The following IL1R1 variants were observed in gnomAD, a reference collection of about 807,000 sequenced individuals.
The protein encoded by IL1R1 is interleukin-1 receptor type 1.
In IL1R1, 22 loss-of-function variants were observed where a neutral mutation model predicts 50.2. The observed-to-expected ratio is 0.44, with a 90% confidence interval of 0.31 to 0.63. The LOEUF (loss-of-function observed/expected upper bound fraction) is 0.63. Ranked by LOEUF, IL1R1 falls within the 20% of genes least tolerant of loss-of-function variation. The pLI is 0.07. For synonymous variants in IL1R1, 251 were observed against 236.7 expected, an observed-to-expected ratio of 1.06 and a Z score of -0.55; for missense variants, 509 against 676.2, an observed-to-expected ratio of 0.75 and a Z score of 2.74.
rs1577922184 is a variant in IL1R1 at position 102,133,621 on chromosome 2, A to G, written c.-83-20320A>G. ...GGCTTAGCATTGGAAAAATCCATAA[A>G]TGTAATTCACTATATTAGTGAAACT... On this transcript the variant is annotated intron_variant, in intron 1 of 10. Transcript: ENST00000409329. Among the ~76,000 whole-genome samples the G allele has an allele frequency of 2.0e-5, 3 of 152,242 alleles. No homozygotes were observed. In the South Asian group the frequency reaches 6.2e-4, roughly 32 times the overall value.
At chr2:102,133,474 C>A (rs1682159791) in intron 1 of IL1R1, among the ~76,000 whole-genome samples, 1 of 151,976 alleles carries the variant, frequency 6.6e-6, no homozygotes, top group Non-Finnish European at 1.5e-5. Flanking sequence ...AAGTACAGAC[C>A]AGTATTCCTC....
rs1429810682 is a variant in IL1R1, at chr2:102,172,797, C to T, written c.950C>T (p.Thr317Ile). ...KHPFTCFAKN[T>I]HGIDAAYIQL... Reference sequence around the variant, plus strand: ...CCATTTACCTGTTTTGCCAAGAATACACATGGTATAGATGCAGCATATATC... The same window carrying T: ...CCATTTACCTGTTTTGCCAAGAATATACATGGTATAGATGCAGCATATATC... Residue 317 changes from threonine (T) to isoleucine (I), a missense_variant, in exon 9 of 12, where the codon ACA becomes ATA. Coordinates refer to ENST00000410023, the MANE Select transcript of IL1R1 (RefSeq NM_000877.4). 1 of 1,611,050 alleles carries T rather than the reference C, an allele frequency of 6.2e-7. No individual in the cohort carries two copies. The highest frequency in any genetic ancestry group is 8.5e-7 in the Non-Finnish European group (1 of 1,177,556).
intron 1 of IL1R1, among the ~76,000 whole-genome samples, chr2:102,114,011 C>T (rs1227243580): frequency 6.6e-6 from 1 of 152,184 alleles, no homozygotes; most frequent in East Asian, 1.9e-4. Flanking sequence ...AAGGGAAACA[C>T]TAGTTTATGG....
chr2:102,146,459 A>T (rs1283210195), intron 1 of IL1R1, among the ~76,000 whole-genome samples: 1 of 152,216 alleles, frequency 6.6e-6, no homozygotes, highest in Admixed American at 6.5e-5. Context: ...TGCTTGAGCT[A>T]AGCTGAACTA....
chr2:102,172,711 A>G lies in IL1R1; in HGVS notation c.864A>G (p.Arg288=). 6.2e-7 allele frequency: 1 copy of G among 1,605,422 alleles called. No individual in the cohort carries two copies. The highest frequency in any genetic ancestry group is 8.5e-7 in the Non-Finnish European group (1 of 1,176,876). The change falls in exon 9 of 12, where the codon AGA becomes AGG. Residue 288 remains arginine (R), a synonymous_variant. Coordinates refer to ENST00000410023, the MANE Select transcript of IL1R1 (RefSeq NM_000877.4). ...GTGTGGAAAATCCTGCAAACAAAAG[A>G]AGGAGTACCCTCATCACAGTGCTTA... The part of the protein sequence containing the change: ...YYSVENPANK[R]RSTLITVLNI...
chr2:102,084,940 C>A (rs1049324544), intron 1 of IL1R1, among the ~76,000 whole-genome samples: 1 of 152,162 alleles, frequency 6.6e-6, no homozygotes, highest in Non-Finnish European at 1.5e-5. Flanking sequence ...AAGAGTGTCC[C>A]GCAATTTCAT....
upstream of IL1R1, chr2:102,142,173 T>C (rs1190858337): frequency 3.3e-5 from 5 of 152,246 alleles, no homozygotes; most frequent in African/African-American, 9.6e-5. Context: ...GCTCTGGGCC[T>C]GGCACTATTT....
At chr2:102,115,918 G>T (rs1007275501) in intron 1 of IL1R1, among the ~76,000 whole-genome samples, 5 of 152,228 alleles carry the variant, frequency 3.3e-5, no homozygotes, top group Non-Finnish European at 7.3e-5. Flanking sequence ...ATACTGAGTG[G>T]TCTGGGCTTT....
intron 1 of IL1R1, among the ~76,000 whole-genome samples, chr2:102,116,741 T>C (rs1038478874): frequency 3.9e-5 from 6 of 152,214 alleles, no homozygotes; most frequent in African/African-American, 1.4e-4. Flanking sequence ...CATCCACCCG[T>C]GCTGAAAACC....
At chr2:102,173,647 T>G (rs1399492909) in intron 9 of IL1R1, among the ~76,000 whole-genome samples, 1 of 152,188 alleles carries the variant, frequency 6.6e-6, no homozygotes, top group Non-Finnish European at 1.5e-5. Context: ...AGACTCGATA[T>G]TATGAAGATA....
chr2:102,171,505 T>A (rs1685671964), intron 7 of IL1R1, among the ~76,000 whole-genome samples: 1 of 152,206 alleles, frequency 6.6e-6, no homozygotes, highest in Non-Finnish European at 1.5e-5. Context: ...TAAGCAGCCA[T>A]GACAGAGTCT....
rs919806896 is a variant in IL1R1, at chr2:102,130,617, T to C, written c.-83-23324T>C. 2.0e-5 allele frequency among the ~76,000 whole-genome samples: 3 copies of C among 150,894 alleles called. No homozygotes were observed. In the East Asian group the frequency reaches 5.9e-4, roughly 30 times the overall value. On this transcript the variant is annotated intron_variant, in intron 1 of 10. Transcript: ENST00000409329. Reference sequence around the variant, plus strand: ...TGACATTGTTCACAGTTTACTTCCTTCCCCCAAAGTCTTGGTTTTGACTAA... The same window carrying C: ...TGACATTGTTCACAGTTTACTTCCTCCCCCCAAAGTCTTGGTTTTGACTAA...
At chr2:102,112,267 C>T (rs1233379744) in intron 1 of IL1R1, among the ~76,000 whole-genome samples, 1 of 151,702 alleles carries the variant, frequency 6.6e-6, no homozygotes, top group African/African-American at 2.4e-5. Flanking sequence ...GGCGGCAAAA[C>T]TGTCCTAAGT....
At chr2:102,108,329 C>T (rs1466600352) in intron 1 of IL1R1, among the ~76,000 whole-genome samples, 1 of 151,978 alleles carries the variant, frequency 6.6e-6, no homozygotes, top group African/African-American at 2.4e-5. Flanking sequence ...TGCATGGATA[C>T]ATTTTAGATT....
chr2:102,079,467 A>T (rs1679115378), intron 1 of IL1R1, among the ~76,000 whole-genome samples: 1 of 152,174 alleles, frequency 6.6e-6, no homozygotes, highest in Non-Finnish European at 1.5e-5. Flanking sequence ...GAAAAATTTG[A>T]AAATGAAATT....
intron 1 of IL1R1, among the ~76,000 whole-genome samples, chr2:102,088,301 T>C (rs1451240152): frequency 1.3e-5 from 2 of 152,236 alleles, no homozygotes; most frequent in African/African-American, 2.4e-5. Context: ...AATTACCTCT[T>C]GATCCAATGG....
chr2:102,105,608 C>T (rs1174326583), intron 1 of IL1R1, among the ~76,000 whole-genome samples: 1 of 152,196 alleles, frequency 6.6e-6, no homozygotes, highest in Non-Finnish European at 1.5e-5. Context: ...TCGTGATCCA[C>T]CTGCCTGGGC....
At chr2:102,074,413 C>CATCTCTGGGCCTCTCCGCCCCTGTT (rs56030113) in intron 1 of IL1R1, among the ~76,000 whole-genome samples, 1 of 151,866 alleles carries the variant, frequency 6.6e-6, no homozygotes, top group East Asian at 2.0e-4. Flanking sequence ...CTGCCCATGT[C>CATCTCTGGGCCTCTCCGCCCCTGTT]ATCTCTGGGC....
Position 102,171,986 on chromosome 2 carries a change from G to A in IL1R1, c.839+68G>A, listed in dbSNP as rs1045664142. On this transcript the variant is annotated intron_variant, in intron 8 of 11. Coordinates refer to ENST00000410023, the MANE Select transcript of IL1R1 (RefSeq NM_000877.4). ...ACGTGATATTTTATATAACCTTGTC[G>A]GTTCAGTTTAAAAGCAAGTGTTAGT... The A allele has an allele frequency of 8.1e-5, 60 of 741,478 alleles. No homozygotes were observed. In the Admixed American group the frequency reaches 1.1e-3, roughly 13 times the overall value. 45.9% of individuals were successfully genotyped at this position (741,478 alleles called of 1,614,324 possible).
Sources: allele counts gnomAD v4.1 joint callset (sites outside exome capture counted in the v4.1 genomes callset), GRCh38; gene constraint gnomAD v4.1.1; transcripts MANE v1.5; gene names NCBI Gene and HGNC (gene_info 2026-07-23, HGNC 2026-07-21).